Variants in UBR4 observed in about 807,000 individuals in gnomAD.
UBR4 encodes the protein E3 ubiquitin-protein ligase UBR4.
UBR4 carries 124 observed loss-of-function variants against 575.6 expected under a neutral mutation model. The observed-to-expected ratio is 0.22, with a 90% CI of 0.19 to 0.25. UBR4 has a LOEUF of 0.25. Ranked by LOEUF, UBR4 falls within the 10% of genes least tolerant of loss-of-function variation. The probability of loss-of-function intolerance (pLI) is 1.00; values close to 1 mark genes in which losing one functional copy is unlikely to be tolerated. For missense variants in UBR4, 4,818 were observed against 6,478.8 expected, an observed-to-expected ratio of 0.74 and a Z score of 8.80; for synonymous variants, 2,455 against 2,473.7, an observed-to-expected ratio of 0.99 and a Z score of 0.22.
chr1:19,114,285 T>C (rs2080229221), intron 75 of UBR4, among the ~76,000 whole-genome samples: 1 of 152,250 alleles, frequency 6.6e-6, no homozygotes, highest in Admixed American at 6.5e-5. Context: ...AATAATACAA[T>C]GCTGAGAGAA....
At chr1:19,179,698 A>C (rs919669656) in intron 17 of UBR4, among the ~76,000 whole-genome samples, 2 of 151,904 alleles carry the variant, frequency 1.3e-5, no homozygotes, top group Non-Finnish European at 2.9e-5. Context: ...TGAGATCTCA[A>C]GGCACCCAGA....
At chr1:19,131,105 C>T (rs1249192053) in intron 60 of UBR4, among the ~76,000 whole-genome samples, 2 of 151,622 alleles carry the variant, frequency 1.3e-5, no homozygotes, top group East Asian at 1.9e-4. Context: ...GACAGGGTCT[C>T]CCTATGTTGC....
rs562326456 is a variant in UBR4 at position 19,138,317 on chromosome 1, T to C, written c.8732-136A>G. 371 of 965,108 alleles carry C rather than the reference T, an allele frequency of 3.8e-4. 6 individuals carry two copies. The South Asian group carries it at 6.8e-3, about 18-fold the overall frequency. The allele number at this position is 965,108 out of a possible 1,614,324, so 59.8% of individuals were successfully genotyped here. On this transcript the variant is annotated intron_variant, in intron 59 of 105. Coordinates refer to ENST00000375254, the MANE Select transcript of UBR4 (RefSeq NM_020765.3). ...TAACTGGTAGCATTTTTGTCTTATA[T>C]GTAAAGCTAAGTAAGACCCCACAGC...
At chr1:19,191,398 G>C (rs1303778054) in intron 11 of UBR4, among the ~76,000 whole-genome samples, 3 of 152,152 alleles carry the variant, frequency 2.0e-5, no homozygotes, top group African/African-American at 7.2e-5. Flanking sequence ...TTGAACCCGC[G>C]AAGTGGAGGT....
chr1:19,198,583 G>A lies in UBR4; in HGVS notation c.606C>T (p.Asn202=). The change falls in exon 5 of 106, where the codon AAC becomes AAT. Residue 202 remains asparagine, a synonymous_variant. Coordinates refer to ENST00000375254, the MANE Select transcript of UBR4 (RefSeq NM_020765.3). ...TAGGTTGTGATGCTACAGTTCTAGG[G>A]TTAAAAACTGAGGTCAGCTGGTTCA... The part of the protein sequence containing the change: ...NFLNQLTSVF[N]PRTVASQPIS... 2 of 1,614,132 alleles carry A rather than the reference G, an allele frequency of 1.2e-6. No homozygotes were observed. Among genetic ancestry groups the A allele is most frequent in the Non-Finnish European group, 1.7e-6 (2 of 1,180,024 alleles).
chr1:19,169,385 C>A, intron 27 of UBR4, 50 bp downstream of exon 27: 1 of 1,516,280 alleles, frequency 6.6e-7, no homozygotes, highest in Non-Finnish European at 9.0e-7. Context: ...GAACAAAAGA[C>A]AGAATGGCTA....
chr1:19,117,450 C>A lies in UBR4; in HGVS notation c.10630-36G>T. 2 of 1,601,928 alleles carry A rather than the reference C, an allele frequency of 1.2e-6. No individual in the cohort carries two copies. The highest frequency in any genetic ancestry group is 2.2e-5 in the South Asian group (2 of 90,688). ...GAGTTCACAAAACATGGTATTAGTT[C>A]AAGACTCGTACTGCCTTTTTAAAAA... On this transcript the variant is annotated intron_variant, in intron 72 of 105. Transcript: ENST00000375254. The surrounding 1 kb of genome is among the most constrained non-coding windows in gnomAD (Gnocchi z 4.0).
intron 12 of UBR4, 68 bp from the exon 13 acceptor site, chr1:19,187,369 G>C: frequency 6.2e-7 from 1 of 1,608,584 alleles, no homozygotes; most frequent in Non-Finnish European, 8.5e-7. Context: ...TTGAGTTGAT[G>C]GATCAAGCTT....
chr1:19,163,229 G>C (rs1192900428), intron 34 of UBR4, among the ~76,000 whole-genome samples: 1 of 152,206 alleles, frequency 6.6e-6, no homozygotes, highest in Non-Finnish European at 1.5e-5. Flanking sequence ...TGGTACCAAA[G>C]TGGTTCTCAG....
At chr1:19,122,769 T>A (rs922631232) in intron 66 of UBR4, 64 bp downstream of exon 66, 4 of 1,568,014 alleles carry the variant, frequency 2.6e-6, no homozygotes, top group Admixed American at 1.7e-5. Flanking sequence ...CCAGCCCTAT[T>A]ACCTACTTGG....
intron 17 of UBR4, among the ~76,000 whole-genome samples, chr1:19,179,654 G>A (rs1250107528): frequency 6.6e-6 from 1 of 152,202 alleles, no homozygotes; most frequent in African/African-American, 2.4e-5. Context: ...CAACAATTTA[G>A]AGATCCGCAG....
Position 19,119,556 on chromosome 1 carries a change from CCTT to C in UBR4, c.10453_10455del (p.Lys3485del), listed in dbSNP as rs1187009983. On this transcript the variant is annotated inframe_deletion and splice_region_variant, in exon 70 of 106. Transcript: ENST00000375254. ...CCCTCTGACCATAAAGCAACTGTTA[CCTT>C]CTTCTCTGTTTGTGGAGTTTTCAGG... The C allele has an allele frequency of 6.2e-7, 1 of 1,611,354 alleles. No homozygotes were observed. Among genetic ancestry groups the C allele is most frequent in the African/African-American group, 1.3e-5 (1 of 74,876 alleles).
At chr1:19,195,121 C>T (rs563081148) in intron 8 of UBR4, among the ~76,000 whole-genome samples, 22 of 151,192 alleles carry the variant, frequency 1.5e-4, no homozygotes, top group African/African-American at 2.2e-4. Flanking sequence ...AAAAATTAGC[C>T]GGGCATGGTA....
intron 90 of UBR4, 38 bp from the exon 91 acceptor site, chr1:19,097,318 G>A: frequency 6.3e-7 from 1 of 1,592,232 alleles, no homozygotes. Context: ...CTTAAAAACA[G>A]GCCCAGACAA....
Position 19,141,398 on chromosome 1 carries a change from C to T in UBR4, c.8437G>A (p.Glu2813Lys), listed in dbSNP as rs2149996313. Residue 2813 changes from glutamate (E) to lysine (K), a missense_variant, in exon 57 of 106, where the codon GAG (glutamate) becomes AAG (lysine). Transcript: ENST00000375254. ...MLDIPPDADD[E>K]TMVELAIALS... ...GCAATGGCTAGTTCAACCATGGTCT[C>T]GTCATCTGCATCAGGTGGGATGTCC... is the stretch of plus-strand genomic sequence containing the variant. 2 of 1,614,234 alleles carry T rather than the reference C, an allele frequency of 1.2e-6. No individual in the cohort carries two copies. Among genetic ancestry groups the T allele is most frequent in the South Asian group, 1.1e-5 (1 of 91,086 alleles).
chr1:19,113,025 C>T (rs2080072736), intron 77 of UBR4, 158 bp from the exon 78 acceptor site: 2 of 761,360 alleles, frequency 2.6e-6, no homozygotes, highest in Admixed American at 6.8e-5. Flanking sequence ...CTCCATTTTA[C>T]AGAGAAGGAA....
intron 102 of UBR4, 182 bp from the exon 103 acceptor site, chr1:19,081,755 G>T: frequency 1.3e-6 from 1 of 753,502 alleles, no homozygotes; most frequent in Non-Finnish European, 2.4e-6. Context: ...CACGCCCTTC[G>T]TCCCCTTCCA....
At chr1:19,175,829 T>C (rs2090187894) in intron 20 of UBR4, among the ~76,000 whole-genome samples, 1 of 152,188 alleles carries the variant, frequency 6.6e-6, no homozygotes, top group Admixed American at 6.5e-5. Context: ...GGTCTCACTC[T>C]GTCAACCAGG....
chr1:19,104,019 C>T (rs1193474769), intron 87 of UBR4, 65 bp downstream of exon 87: 3 of 1,557,250 alleles, frequency 1.9e-6, no homozygotes, highest in African/African-American at 1.4e-5. Flanking sequence ...GGAAATTGGT[C>T]GAATGCACCT....
Sources: allele counts gnomAD v4.1 joint callset (sites outside exome capture counted in the v4.1 genomes callset), GRCh38; gene constraint gnomAD v4.1.1; non-coding constraint Gnocchi (gnomAD v3.1); transcripts MANE v1.5; gene names NCBI Gene and HGNC (gene_info 2026-07-23, HGNC 2026-07-21).